The following AGBL4 variants were observed in gnomAD, a reference collection of about 807,000 sequenced individuals.
The protein encoded by AGBL4 is AGBL carboxypeptidase 4, also known as cytosolic carboxypeptidase 6.
In AGBL4, 58 loss-of-function variants were observed where a neutral mutation model predicts 66.4. The ratio of observed to expected loss-of-function variants is 0.87; its 90% CI spans 0.71 to 1.09. AGBL4 has a LOEUF of 1.09. AGBL4 is among the 50% of genes least tolerant of loss of function. AGBL4 has a pLI of 0.00. For synonymous variants in AGBL4, 234 were observed against 222.9 expected, an observed-to-expected ratio of 1.05 and a Z score of -0.44; for missense variants, 579 against 631.0, an observed-to-expected ratio of 0.92 and a Z score of 0.88.
intron 11 of AGBL4, among the ~76,000 whole-genome samples, chr1:48,574,739 C>T (rs1484766916): frequency 6.6e-6 from 1 of 152,018 alleles, no homozygotes; most frequent in Non-Finnish European, 1.5e-5. Flanking sequence ...CGGCCACAAC[C>T]CCAGCTAAAG....
intron 6 of AGBL4, among the ~76,000 whole-genome samples, chr1:48,856,716 A>G (rs2148814716): frequency 6.6e-6 from 1 of 152,368 alleles, no homozygotes; most frequent in African/African-American, 2.4e-5. Context: ...AACAAGGTTA[A>G]GAGGGGATAA....
At chr1:49,458,048 T>C (rs1007783753) in intron 3 of AGBL4, among the ~76,000 whole-genome samples, 1 of 151,684 alleles carries the variant, frequency 6.6e-6, no homozygotes, top group African/African-American at 2.4e-5. Flanking sequence ...CGTTTTTGGC[T>C]CCATATGAAT....
intron 9 of AGBL4, among the ~76,000 whole-genome samples, chr1:48,632,264 C>G (rs764197440): frequency 7.2e-5 from 11 of 152,144 alleles, no homozygotes; most frequent in Non-Finnish European, 1.3e-4. Context: ...GCTCAGCACC[C>G]AAGATGTACT....
At chr1:48,977,771 G>A (rs116167682) in intron 5 of AGBL4, among the ~76,000 whole-genome samples, 1,646 of 152,220 alleles carry the variant, frequency 0.011, 30 homozygotes, top group African/African-American at 0.036. Context: ...GGGTTGTTGT[G>A]ACACAAATGG....
At chr1:49,290,550 A>T (rs1644514463) in intron 3 of AGBL4, among the ~76,000 whole-genome samples, 1 of 152,204 alleles carries the variant, frequency 6.6e-6, no homozygotes, top group Non-Finnish European at 1.5e-5. Context: ...TGTATTAAGA[A>T]GGGGAAAGGA....
At chr1:48,714,369 C>T (rs1200583796) in intron 6 of AGBL4, among the ~76,000 whole-genome samples, 2 of 152,212 alleles carry the variant, frequency 1.3e-5, no homozygotes, top group Non-Finnish European at 1.5e-5. Context: ...ACTGTCCACC[C>T]ACTCAGCCAA....
chr1:49,099,815 C>A (rs753153855), intron 4 of AGBL4, among the ~76,000 whole-genome samples: 31 of 152,212 alleles, frequency 2.0e-4, no homozygotes, highest in Non-Finnish European at 3.7e-4. Flanking sequence ...AAACTGAAAA[C>A]TGACTTCACT....
chr1:48,860,916 T>C (rs1461429071), intron 6 of AGBL4, among the ~76,000 whole-genome samples: 1 of 152,126 alleles, frequency 6.6e-6, no homozygotes, highest in Non-Finnish European at 1.5e-5. Flanking sequence ...AAATCAACAA[T>C]TGGAACTTGA....
chr1:49,627,138 C>T (rs1645479417), intron 3 of AGBL4, among the ~76,000 whole-genome samples: 1 of 152,056 alleles, frequency 6.6e-6, no homozygotes, highest in Non-Finnish European at 1.5e-5. Context: ...CTCATGGCCA[C>T]TTCTGAAGCC....
intron 7 of AGBL4, among the ~76,000 whole-genome samples, chr1:48,655,844 A>G (rs1032439276): frequency 5.9e-5 from 9 of 152,222 alleles, no homozygotes; most frequent in African/African-American, 1.7e-4. Flanking sequence ...GACCTGTAGA[A>G]AGCCTCTGGG....
chr1:48,562,673 A>G lies in AGBL4; in HGVS notation c.1268-22935T>C, dbSNP rs1331926052. Among the ~76,000 whole-genome samples, 3 of 152,320 alleles carry G rather than the reference A, an allele frequency of 2.0e-5. No individual in the cohort carries two copies. In the East Asian group the frequency reaches 5.8e-4, roughly 29 times the overall value. ...AAAACAGAACAAGTTGGAGAAAATG[A>G]TATTTATCAGAATTCTTCACCAATA... On this transcript the variant is annotated intron_variant, in intron 11 of 13. Transcript: ENST00000371839.
At chr1:50,019,306 T>TCTCTCTCTCTCTCTCA (rs1167835143) in intron 1 of AGBL4, among the ~76,000 whole-genome samples, 3 of 48,402 alleles carry the variant, frequency 6.2e-5, no homozygotes, top group Admixed American at 3.5e-4. Flanking sequence ...TCTCTCTCTC[T>TCTCTCTCTCTCTCTCA]CACACACACA....
At chr1:49,236,273 C>T (rs1650736751) in intron 4 of AGBL4, among the ~76,000 whole-genome samples, 1 of 152,030 alleles carries the variant, frequency 6.6e-6, no homozygotes, top group Non-Finnish European at 1.5e-5. Flanking sequence ...ACTGATCCAC[C>T]CTCCTTGGTC....
intron 3 of AGBL4, among the ~76,000 whole-genome samples, chr1:49,632,315 A>G (rs956877081): frequency 2.6e-4 from 39 of 152,302 alleles, no homozygotes; most frequent in African/African-American, 8.9e-4. Context: ...CTTTCTCACC[A>G]CTACCTCTGA....
chr1:48,966,575 CT>C (rs1203377748), intron 5 of AGBL4, among the ~76,000 whole-genome samples: 3 of 152,142 alleles, frequency 2.0e-5, no homozygotes, highest in Admixed American at 6.5e-5. Context: ...ATTTTATTCT[CT>C]TTATTTTGCC....
chr1:49,113,287 C>G (rs1020850276), intron 4 of AGBL4, among the ~76,000 whole-genome samples: 3 of 151,582 alleles, frequency 2.0e-5, no homozygotes, highest in Admixed American at 1.3e-4. Context: ...CTCTGTCACC[C>G]AGGCTGGAGC....
At chr1:50,021,695 C>A (rs1662453892) in intron 1 of AGBL4, among the ~76,000 whole-genome samples, 1 of 152,184 alleles carries the variant, frequency 6.6e-6, no homozygotes, top group African/African-American at 2.4e-5. Flanking sequence ...TATATGCATT[C>A]TTGTATCCTC....
At chr1:49,872,466 A>G (rs1646861077) in intron 1 of AGBL4, among the ~76,000 whole-genome samples, 1 of 152,106 alleles carries the variant, frequency 6.6e-6, no homozygotes, top group Non-Finnish European at 1.5e-5. Flanking sequence ...AAACTTTGCC[A>G]TATCTCTTGT....
chr1:49,319,623 C>T (rs919653705), intron 3 of AGBL4, among the ~76,000 whole-genome samples: 1 of 152,120 alleles, frequency 6.6e-6, no homozygotes, highest in African/African-American at 2.4e-5. Context: ...TTAAGAATAC[C>T]AGTTTCTCAA....
Sources: gnomAD v4.1 joint callset for allele counts (sites outside exome capture counted in the v4.1 genomes callset) on GRCh38, gnomAD v4.1.1 for gene constraint, MANE v1.5 for transcripts, NCBI Gene and HGNC (gene_info 2026-07-23, HGNC 2026-07-21) for gene names.